The following SERPINI1 variants were observed in gnomAD, a reference collection of about 807,000 sequenced individuals.
SERPINI1 encodes the protein serpin family I member 1.
A neutral mutation model predicts 41.1 loss-of-function variants in SERPINI1; 19 were observed. The ratio of observed to expected loss-of-function variants is 0.46; its 90% CI spans 0.32 to 0.68. The LOEUF (loss-of-function observed/expected upper bound fraction) is 0.68. Ranked by LOEUF, SERPINI1 falls within the 30% of genes least tolerant of loss-of-function variation. The pLI, the probability that SERPINI1 is intolerant of heterozygous loss-of-function variation, is 0.03. For missense variants in SERPINI1, 460 were observed against 479.2 expected (o/e 0.96, Z 0.37); for synonymous variants, 138 against 156.6 (o/e 0.88, Z 0.89).
At chr3:167,780,988 G>C (rs1306890421) in intron 1 of SERPINI1, among the ~76,000 whole-genome samples, 1 of 152,138 alleles carries the variant, frequency 6.6e-6, no homozygotes, top group African/African-American at 2.4e-5. Flanking sequence ...TTTGGACATT[G>C]ATTATAAGAT....
rs375411734 is a variant in SERPINI1 at position 167,746,420 on chromosome 3, C to T, written c.-19+10597C>T. On this transcript the variant is annotated intron_variant, in intron 1 of 8. Coordinates refer to ENST00000446050, the MANE Select transcript of SERPINI1 (RefSeq NM_001122752.2). ...AGAGACATAATAAAAACAAATTGGA[C>T]TTCATCAAACTTAAAACTTTTGTGT... 1.2e-4 allele frequency among the ~76,000 whole-genome samples: 19 copies of T among 152,214 alleles called. No homozygotes were observed. The East Asian group carries it at 3.7e-3, about 29-fold the overall frequency.
intron 6 of SERPINI1, among the ~76,000 whole-genome samples, chr3:167,816,884 G>A (rs962022829): frequency 6.6e-6 from 1 of 152,052 alleles, no homozygotes; most frequent in African/African-American, 2.4e-5. Context: ...GACAAAGCGT[G>A]CTATGTTGAG....
intron 6 of SERPINI1, among the ~76,000 whole-genome samples, chr3:167,808,494 A>G (rs1055306143): frequency 6.6e-6 from 1 of 152,152 alleles, no homozygotes; most frequent in Non-Finnish European, 1.5e-5. Flanking sequence ...CTGTTTTCTG[A>G]TGAGATAAAG....
chr3:167,781,569 A>C (rs1402012130), intron 1 of SERPINI1, among the ~76,000 whole-genome samples: 2 of 151,260 alleles, frequency 1.3e-5, no homozygotes, highest in Non-Finnish European at 2.9e-5. Flanking sequence ...GAGAATTAAC[A>C]GGCAGGGAAC....
intron 1 of SERPINI1, among the ~76,000 whole-genome samples, chr3:167,755,964 C>T (rs1403072951): frequency 1.3e-5 from 2 of 152,036 alleles, no homozygotes; most frequent in Non-Finnish European, 2.9e-5. Flanking sequence ...GCTCCTCCGA[C>T]ATTTATTCAG....
At position 167,772,864 on chromosome 3, in the gene SERPINI1, C is replaced by CTATATATATATATATA. The variant is rs1161668820; in HGVS notation, c.-18-16232_-18-16217dup. Among the ~76,000 whole-genome samples, 58 of 24,580 alleles carry CTATATATATATATATA rather than the reference C, an allele frequency of 2.4e-3. 2 individuals carry two copies. The highest frequency in any genetic ancestry group is 2.9e-3 in the Non-Finnish European group (44 of 15,394). The allele number at this position is 24,580 out of a possible 152,430, so 16.1% of individuals were successfully genotyped here. On this transcript the variant is annotated intron_variant, in intron 1 of 8. Transcript: ENST00000446050. ...TCTCTCTCTCTCTCTCTCTCTCTCT[C>CTATATATATATATATA]TATATATATATATATATATATATAT...
chr3:167,742,553 C>CT (rs1189942903), intron 1 of SERPINI1, among the ~76,000 whole-genome samples: 1 of 152,154 alleles, frequency 6.6e-6, no homozygotes, highest in East Asian at 1.9e-4. Context: ...GAGTCTTTCT[C>CT]TTTTAATCAG....
chr3:167,798,167 A>G (rs542169251), intron 5 of SERPINI1, among the ~76,000 whole-genome samples: 50 of 152,290 alleles, frequency 3.3e-4, no homozygotes, highest in African/African-American at 1.1e-3. Flanking sequence ...GGTCCTGTCC[A>G]CTGAGAAACT....
intron 6 of SERPINI1, among the ~76,000 whole-genome samples, chr3:167,820,356 G>C (rs9817427): frequency 0.29 from 43,416 of 152,046 alleles, 7,477 homozygotes; most frequent in African/African-American, 0.48. Flanking sequence ...AGAGGCGGGA[G>C]CCCAGCCAAC....
At chr3:167,748,560 C>A (rs1458530543) in intron 1 of SERPINI1, among the ~76,000 whole-genome samples, 1 of 151,990 alleles carries the variant, frequency 6.6e-6, no homozygotes, top group Non-Finnish European at 1.5e-5. Context: ...AGTCATGCAA[C>A]ATTAAAAATA....
intron 6 of SERPINI1, among the ~76,000 whole-genome samples, chr3:167,814,781 T>G (rs576961048): frequency 6.6e-6 from 1 of 152,270 alleles, no homozygotes; most frequent in South Asian, 2.1e-4. Flanking sequence ...ATTGCCCAGT[T>G]CTTCTCTGGG....
At chr3:167,752,710 A>G (rs918298204) in intron 1 of SERPINI1, among the ~76,000 whole-genome samples, 2 of 152,026 alleles carry the variant, frequency 1.3e-5, no homozygotes, top group Admixed American at 6.6e-5. Context: ...ACAAGGGCCT[A>G]GATAACCTAG....
At chr3:167,811,026 C>G (rs1282245158) in intron 6 of SERPINI1, among the ~76,000 whole-genome samples, 1 of 152,024 alleles carries the variant, frequency 6.6e-6, no homozygotes, top group Non-Finnish European at 1.5e-5. Flanking sequence ...TCAGGGTTCA[C>G]TTCTAATTCA....
intron 1 of SERPINI1, among the ~76,000 whole-genome samples, chr3:167,772,870 A>C (rs1350608312): frequency 0.037 from 1,187 of 32,500 alleles, 14 homozygotes; most frequent in Non-Finnish European, 0.046. Flanking sequence ...CTCTCTATAT[A>C]TATATATATA....
rs535349269 is a variant in SERPINI1, at chr3:167,821,696, C to T, written c.980-1290C>T. On this transcript the variant is annotated intron_variant, in intron 6 of 8. Transcript: ENST00000446050. ...CCTAGGCAAAACTCAGGCAAAGGCACCACTGGCAACAGAGGTTTCCAGCTG... is the reference window on the plus strand; with the variant it reads ...CCTAGGCAAAACTCAGGCAAAGGCATCACTGGCAACAGAGGTTTCCAGCTG... Among the ~76,000 whole-genome samples the T allele has an allele frequency of 2.0e-5, 3 of 152,352 alleles. No individual in the cohort carries two copies. The East Asian group carries it at 5.8e-4, about 29-fold the overall frequency.
At chr3:167,798,299 T>C (rs540305597) in intron 5 of SERPINI1, among the ~76,000 whole-genome samples, 1 of 152,314 alleles carries the variant, frequency 6.6e-6, no homozygotes, top group South Asian at 2.1e-4. Flanking sequence ...GTAATTATCA[T>C]GTATCAATTT....
intron 5 of SERPINI1, among the ~76,000 whole-genome samples, chr3:167,806,629 C>T (rs989277886): frequency 3.0e-4 from 46 of 152,064 alleles, no homozygotes; most frequent in Admixed American, 3.0e-3. Flanking sequence ...CATAAAGATA[C>T]ATTTTTAATG....
At chr3:167,755,907 A>C (rs1441446656) in intron 1 of SERPINI1, among the ~76,000 whole-genome samples, 1 of 150,880 alleles carries the variant, frequency 6.6e-6, no homozygotes, top group African/African-American at 2.4e-5. Flanking sequence ...CTAGGGGACC[A>C]GGCCGCTGAC....
intron 1 of SERPINI1, among the ~76,000 whole-genome samples, chr3:167,751,753 C>T (rs1726054248): frequency 6.6e-6 from 1 of 151,822 alleles, no homozygotes; most frequent in Non-Finnish European, 1.5e-5. Flanking sequence ...ATATCTTTTC[C>T]AGTACGGTAT....
Sources: allele counts gnomAD v4.1 joint callset (sites outside exome capture counted in the v4.1 genomes callset), GRCh38; gene constraint gnomAD v4.1.1; transcripts MANE v1.5; gene names NCBI Gene and HGNC (gene_info 2026-07-23, HGNC 2026-07-21).